Variants in SMIM14 observed in about 807,000 individuals in gnomAD.
The protein encoded by SMIM14 is small integral membrane protein 14.
A neutral mutation model predicts 12.6 loss-of-function variants in SMIM14; 5 were observed. The observed-to-expected ratio is 0.40, with a 90% CI of 0.21 to 0.83. The LOEUF (loss-of-function observed/expected upper bound fraction) is 0.83, where lower values mean the gene tolerates loss of function less well. SMIM14 is among the 40% of genes least tolerant of loss of function. The pLI, the probability that SMIM14 is intolerant of heterozygous loss-of-function variation, is 0.37. For synonymous variants in SMIM14, 30 were observed against 40.1 expected, an observed-to-expected ratio of 0.75 and a Z score of 0.95; for missense variants, 86 against 119.1, an observed-to-expected ratio of 0.72 and a Z score of 1.29.
At chr4:39,557,581 A>G (rs1363716008) in intron 3 of SMIM14, among the ~76,000 whole-genome samples, 6 of 152,112 alleles carry the variant, frequency 3.9e-5, no homozygotes, top group African/African-American at 1.4e-4. Context: ...CTACTTTTCT[A>G]GCTACCTTCT....
chr4:39,576,892 G>A (rs1470822412), intron 2 of SMIM14, among the ~76,000 whole-genome samples: 1 of 149,770 alleles, frequency 6.7e-6, no homozygotes, highest in Non-Finnish European at 1.5e-5. Context: ...TGTATTTTCA[G>A]TAGAGATAGG....
In SMIM14 at chr4:39,558,872, C is replaced by A. The variant is rs1305693749; in HGVS notation, c.125-2302G>T. ...TACAGGCACATGCCACCATGCCTGG[C>A]TAACTTTTTGTATCTTTAGTAGAGA... is the stretch of plus-strand genomic sequence containing the variant. On this transcript the variant is annotated intron_variant, in intron 3 of 4. Coordinates refer to ENST00000295958, the MANE Select transcript of SMIM14 (RefSeq NM_174921.3). The surrounding 1 kb of genome is among the most constrained non-coding windows in gnomAD (Gnocchi z 4.3). 6.6e-6 allele frequency among the ~76,000 whole-genome samples: 1 copy of A among 152,126 alleles called. No homozygotes were observed. Among genetic ancestry groups the A allele is most frequent in the Non-Finnish European group, 1.5e-5 (1 of 68,042 alleles).
chr4:39,584,185 A>T (rs1713658884), intron 2 of SMIM14, among the ~76,000 whole-genome samples: 1 of 151,868 alleles, frequency 6.6e-6, no homozygotes, highest in African/African-American at 2.4e-5. Context: ...AGTACTCCAT[A>T]ATGAAAATAA....
At chr4:39,572,305 T>TTTTTAAA (rs1296703942) in intron 3 of SMIM14, 110 bp downstream of exon 3, 1 of 189,706 alleles carries the variant, frequency 5.3e-6, no homozygotes, top group Non-Finnish European at 1.0e-5. Flanking sequence ...TTTTTTTTGG[T>TTTTTAAA]AACCACTAGA....
chr4:39,591,879 T>A (rs540685078), intron 2 of SMIM14, among the ~76,000 whole-genome samples: 76 of 152,282 alleles, frequency 5.0e-4, no homozygotes, highest in African/African-American at 1.5e-3. Context: ...TAATGTGTAC[T>A]TTAAAATAAC....
chr4:39,600,120 A>C (rs1714542916), intron 2 of SMIM14, among the ~76,000 whole-genome samples: 2 of 152,152 alleles, frequency 1.3e-5, no homozygotes, highest in African/African-American at 4.8e-5. Flanking sequence ...GGAATCCAGA[A>C]GCATGAGCAT....
chr4:39,602,281 A>G (rs184896329), intron 2 of SMIM14, among the ~76,000 whole-genome samples: 17 of 150,748 alleles, frequency 1.1e-4, no homozygotes, highest in African/African-American at 4.1e-4. Context: ...TGGATGCATG[A>G]GAGGTGGAAA....
intron 2 of SMIM14, among the ~76,000 whole-genome samples, chr4:39,581,518 CTTTT>C (rs1432369898): frequency 7.6e-6 from 1 of 132,092 alleles, no homozygotes. Flanking sequence ...TTTTCTTTTT[CTTTT>C]TTTTTTTTTT....
intron 2 of SMIM14, among the ~76,000 whole-genome samples, chr4:39,582,508 T>A (rs1263468746): frequency 6.6e-6 from 1 of 151,314 alleles, no homozygotes; most frequent in Non-Finnish European, 1.5e-5. Flanking sequence ...CTACTAAAAA[T>A]ACGAAATTAG....
chr4:39,606,694 C>A lies in SMIM14; in HGVS notation c.-35-1514G>T, dbSNP rs1209691700. Among the ~76,000 whole-genome samples, 3 of 151,454 alleles carry A rather than the reference C, an allele frequency of 2.0e-5. No homozygotes were observed. The East Asian group carries it at 5.8e-4, about 29-fold the overall frequency. On this transcript the variant is annotated intron_variant, in intron 1 of 4. Coordinates refer to ENST00000295958, the MANE Select transcript of SMIM14 (RefSeq NM_174921.3). ...ATGAGGCTACAAAGAATAGTGACAC[C>A]TGAGAGACGGAAAAACAAATGAGAT... is the stretch of plus-strand genomic sequence containing the variant.
chr4:39,617,023 G>T (rs527466441), intron 1 of SMIM14, among the ~76,000 whole-genome samples: 1 of 152,192 alleles, frequency 6.6e-6, no homozygotes, highest in African/African-American at 2.4e-5. Flanking sequence ...TTGTTAAGAT[G>T]ATCAGATACT....
rs142415916 is a variant in SMIM14 at position 39,551,493 on chromosome 4, A to G, written c.*633T>C. ...TTTTAATGGGAGTATAAAATTAGTAAACAACCATTTCATTTTTTCTCTCTT... is the reference window on the plus strand; with the variant it reads ...TTTTAATGGGAGTATAAAATTAGTAGACAACCATTTCATTTTTTCTCTCTT... On this transcript the variant is annotated 3_prime_UTR_variant, in exon 5 of 5. Transcript: ENST00000295958. 861 of 152,672 alleles carry G rather than the reference A, an allele frequency of 5.6e-3. 4 individuals are homozygous for G. The highest frequency in any genetic ancestry group is 9.5e-3 in the Non-Finnish European group (649 of 68,026). The allele number at this position is 152,672 out of a possible 1,614,324, so 9.5% of individuals were successfully genotyped here. A position where few individuals can be genotyped will look rare whatever the true frequency, so the allele number is the denominator to read the frequency against.
In SMIM14 at chr4:39,614,967, A is replaced by G. The variant is rs182875279; in HGVS notation, c.-35-9787T>C. 1.1e-3 allele frequency among the ~76,000 whole-genome samples: 161 copies of G among 152,292 alleles called. 1 individual carries two copies. Among genetic ancestry groups the G allele is most frequent in the Admixed American group, 3.2e-3 (49 of 15,294 alleles). ...AACTCAGTTGAGTCATACTGTTGCT[A>G]TATGTGGTGAGGGAATTTTCCAGTG... On this transcript the variant is annotated intron_variant, in intron 1 of 4. Coordinates refer to ENST00000295958, the MANE Select transcript of SMIM14 (RefSeq NM_174921.3).
intron 1 of SMIM14, 161 bp downstream of exon 1, chr4:39,638,578 T>A: frequency 1.0e-6 from 1 of 981,208 alleles, no homozygotes. Flanking sequence ...CTTCTCCCGG[T>A]GCAGAATCGC....
intron 1 of SMIM14, among the ~76,000 whole-genome samples, chr4:39,635,728 T>G (rs760303849): frequency 5.3e-5 from 8 of 152,130 alleles, no homozygotes; most frequent in Non-Finnish European, 1.0e-4. Flanking sequence ...AAACTCAAAA[T>G]AGGTTATTAG....
At position 39,596,026 on chromosome 4, in the gene SMIM14, C is replaced by G. The variant is rs28744669; in HGVS notation, c.75+9045G>C. Among the ~76,000 whole-genome samples, 691 of 152,216 alleles carry G rather than the reference C, an allele frequency of 4.5e-3. 5 individuals carry two copies. Among genetic ancestry groups the G allele is most frequent in the African/African-American group, 0.016 (656 of 41,548 alleles). The stretch of plus-strand genomic sequence containing the variant: ...CATGGTTTTAAAATATAAAAATACA[C>G]TGAAGAGTATGCCTCCTGCTCCTTC... On this transcript the variant is annotated intron_variant, in intron 2 of 4. Transcript: ENST00000295958.
chr4:39,589,161 A>G (rs796408500), intron 2 of SMIM14, among the ~76,000 whole-genome samples: 17 of 152,294 alleles, frequency 1.1e-4, no homozygotes, highest in African/African-American at 3.8e-4. Context: ...ATCTCTGCAC[A>G]CTGTAACCTC....
At chr4:39,586,461 T>C (rs1437895783) in intron 2 of SMIM14, among the ~76,000 whole-genome samples, 3 of 152,094 alleles carry the variant, frequency 2.0e-5, no homozygotes, top group Non-Finnish European at 4.4e-5. Flanking sequence ...CATTGTCCAG[T>C]AACGTTCTTC....
At chr4:39,614,618 G>A (rs962342475) in intron 1 of SMIM14, among the ~76,000 whole-genome samples, 1 of 151,976 alleles carries the variant, frequency 6.6e-6, no homozygotes, top group South Asian at 2.1e-4. Context: ...CACTGCACCC[G>A]GCCCCTATGC....
Sources: allele counts gnomAD v4.1 joint callset (sites outside exome capture counted in the v4.1 genomes callset), GRCh38; gene constraint gnomAD v4.1.1; non-coding constraint Gnocchi (gnomAD v3.1); transcripts MANE v1.5; gene names NCBI Gene and HGNC (gene_info 2026-07-23, HGNC 2026-07-21).